The following VAC14 variants were observed in gnomAD, a reference collection of about 807,000 sequenced individuals.
The protein encoded by VAC14 is VAC14 component of PIKFYVE complex.
VAC14 carries 47 observed loss-of-function variants against 85.3 expected under a neutral mutation model. The ratio of observed to expected loss-of-function variants is 0.55; its 90% CI spans 0.44 to 0.70. The LOEUF is 0.70. Ranked by LOEUF, VAC14 falls within the 30% of genes least tolerant of loss-of-function variation. VAC14 has a pLI of 0.00. For missense variants in VAC14, 861 were observed against 1,004.3 expected (o/e 0.86, Z 1.93); for synonymous variants, 447 against 430.5 (o/e 1.04, Z -0.47).
chr16:70,785,958 T>C (rs1466007496), intron 2 of VAC14, 89 bp from the exon 3 acceptor site: 31 of 1,448,650 alleles, frequency 2.1e-5, no homozygotes, highest in Non-Finnish European at 2.8e-5. Context: ...CCCAGCTCCC[T>C]TGAAGGTGCT....
chr16:70,768,809 T>C, intron 10 of VAC14: 1 of 453,974 alleles, frequency 2.2e-6, no homozygotes, highest in Non-Finnish European at 4.4e-6. Context: ...TGCATTTTTT[T>C]GGTGTGTGTG....
chr16:70,759,013 T>G (rs1282017210), intron 12 of VAC14, among the ~76,000 whole-genome samples: 2 of 152,108 alleles, frequency 1.3e-5, no homozygotes, highest in African/African-American at 2.4e-5. Flanking sequence ...TCGGTGGAAC[T>G]GAGGAACAAT....
At chr16:70,689,195 T>G (rs2053554068) in intron 18 of VAC14, 1 of 977,284 alleles carries the variant, frequency 1.0e-6, no homozygotes, top group African/African-American at 1.8e-5. Flanking sequence ...AAGCGAGGGC[T>G]ACCTAAGGAG....
intron 12 of VAC14, among the ~76,000 whole-genome samples, chr16:70,745,957 A>T (rs1053518066): frequency 6.6e-6 from 1 of 152,242 alleles, no homozygotes; most frequent in Non-Finnish European, 1.5e-5. Context: ...CTACTGAGGG[A>T]TTAAAATGTT....
chr16:70,698,622 C>A lies in VAC14; in HGVS notation c.1836+15G>T. 1 of 1,613,754 alleles carries A rather than the reference C, an allele frequency of 6.2e-7. No homozygotes were observed. The highest frequency in any genetic ancestry group is 1.1e-5 in the South Asian group (1 of 91,046). On this transcript the variant is annotated intron_variant, in intron 15 of 18. Transcript: ENST00000261776. ...GCAGGAGACGCCTGAGGATGGAGTC[C>A]CGGACGCAGCCTACCAGGGTCTTCA...
chr16:70,798,738 C>A (rs938410342), intron 1 of VAC14, among the ~76,000 whole-genome samples: 1 of 152,146 alleles, frequency 6.6e-6, no homozygotes, highest in African/African-American at 2.4e-5. Context: ...AGCTGCAGAG[C>A]CTCTAACAAG....
intron 5 of VAC14, 94 bp from the exon 6 acceptor site, chr16:70,783,648 C>T: frequency 8.0e-7 from 1 of 1,246,620 alleles, no homozygotes; most frequent in Non-Finnish European, 1.2e-6. Flanking sequence ...GAAGGGGACC[C>T]TGCTGAGACA....
intron 3 of VAC14, 95 bp from the exon 4 acceptor site, chr16:70,784,933 G>A (rs2033978999): frequency 9.3e-7 from 1 of 1,078,796 alleles, no homozygotes; most frequent in Non-Finnish European, 1.4e-6. Flanking sequence ...CCGAGGCCTT[G>A]GTGCAGCCCA....
At chr16:70,702,073 G>C (rs1400215577) in intron 14 of VAC14, among the ~76,000 whole-genome samples, 3 of 152,278 alleles carry the variant, frequency 2.0e-5, no homozygotes, top group African/African-American at 7.2e-5. Context: ...AAGAAGCAAG[G>C]GTCTCCCGAA....
Position 70,784,177 on chromosome 16 carries a change from A to G in VAC14, c.530T>C (p.Ile177Thr), listed in dbSNP as rs2033944043. ...GTAAATCCTCTCTCGCAACAAGGGG[A>G]TGAAGCTCACCAGGTCAAACTTGTT... is the stretch of plus-strand genomic sequence containing the variant. ...ESNKFDLVSF[I>T]PLLRERIYSN... Residue 177 changes from isoleucine (I) to threonine (T), a missense_variant, in exon 5 of 19, where the codon ATC (isoleucine) becomes ACC (threonine). Physicochemically the swap from Ile to Thr is moderately conservative, Grantham distance 89. Transcript: ENST00000261776. 6.2e-7 allele frequency: 1 copy of G among 1,614,048 alleles called. No individual in the cohort carries two copies. Among genetic ancestry groups the G allele is most frequent in the African/African-American group, 1.3e-5 (1 of 74,912 alleles).
intron 12 of VAC14, among the ~76,000 whole-genome samples, chr16:70,753,975 C>T (rs905422464): frequency 3.9e-5 from 6 of 152,182 alleles, no homozygotes; most frequent in Non-Finnish European, 8.8e-5. Context: ...TCCCTTTCCA[C>T]CATGCTTCTC....
chr16:70,687,830 T>C lies in VAC14; in HGVS notation c.*98A>G. Reference sequence around the variant, plus strand: ...TGCCCTGGGTTGGCAGGCCCAGCCCTGGTCCTGACAGGCAGGTCCTTGAGC... The same window carrying C: ...TGCCCTGGGTTGGCAGGCCCAGCCCCGGTCCTGACAGGCAGGTCCTTGAGC... On this transcript the variant is annotated 3_prime_UTR_variant, in exon 19 of 19. Transcript: ENST00000261776. 3 of 1,282,112 alleles carry C rather than the reference T, an allele frequency of 2.3e-6. No homozygotes were observed. The highest frequency in any genetic ancestry group is 3.0e-6 in the Non-Finnish European group (3 of 997,472). 79.4% of individuals were successfully genotyped at this position (1,282,112 alleles called of 1,614,324 possible). A position where few individuals can be genotyped will look rare whatever the true frequency, so the allele number is the denominator to read the frequency against.
rs111521716 is a variant in VAC14 at position 70,794,954 on chromosome 16, T to C, written c.104+5843A>G. Reference sequence around the variant, plus strand: ...TAAGATGATAATGTTATATTTTTACTATACTATTTCTATGTTCAGATATAT... The same window carrying C: ...TAAGATGATAATGTTATATTTTTACCATACTATTTCTATGTTCAGATATAT... On this transcript the variant is annotated intron_variant, in intron 1 of 18. Transcript: ENST00000261776. 4.9e-4 allele frequency among the ~76,000 whole-genome samples: 75 copies of C among 152,368 alleles called. 1 individual carries two copies. Among genetic ancestry groups the C allele is most frequent in the African/African-American group, 1.5e-3 (63 of 41,584 alleles).
intron 18 of VAC14, chr16:70,689,037 A>C (rs4985416): frequency 0.51 from 506,285 of 985,254 alleles, 131,383 homozygotes; most frequent in Non-Finnish European, 0.53. Context: ...GGGGCCCTTC[A>C]AGTTTATGAA....
At chr16:70,766,952 G>T (rs548091134) in intron 10 of VAC14, among the ~76,000 whole-genome samples, 36 of 152,288 alleles carry the variant, frequency 2.4e-4, no homozygotes, top group African/African-American at 8.2e-4. Context: ...AGCCTGAGAG[G>T]TAGCACCCTG....
chr16:70,694,114 C>T (rs532746870), intron 17 of VAC14, among the ~76,000 whole-genome samples: 2 of 152,350 alleles, frequency 1.3e-5, no homozygotes, highest in South Asian at 4.1e-4. Flanking sequence ...AGGGCTGGGA[C>T]GGTGTTGGGC....
chr16:70,772,435 G>A (rs1250349696), intron 9 of VAC14: 2 of 435,264 alleles, frequency 4.6e-6, no homozygotes, highest in African/African-American at 2.0e-5. Flanking sequence ...ATCTCAGAAG[G>A]GATCACTGGC....
At position 70,780,753 on chromosome 16, in the gene VAC14, C is replaced by T. The variant is rs771216007; in HGVS notation, c.1096+37G>A. ...TATGACATCTGGCTCCCTGGGCCCC[C>T]GACAGGAGGTGAGGTGTAGGGACGG... On this transcript the variant is annotated intron_variant, in intron 9 of 18. Transcript: ENST00000261776. 9.4e-5 allele frequency: 145 copies of T among 1,535,666 alleles called. 1 individual carries two copies. Among genetic ancestry groups the T allele is most frequent in the Admixed American group, 4.8e-4 (24 of 50,422 alleles).
At chr16:70,690,108 G>C (rs2053570480) in intron 18 of VAC14, 1 of 985,544 alleles carries the variant, frequency 1.0e-6, no homozygotes, top group African/African-American at 1.7e-5. Flanking sequence ...GGCAAACCCG[G>C]GAAGATGGCG....
Sources: gnomAD v4.1 joint callset for allele counts (sites outside exome capture counted in the v4.1 genomes callset) on GRCh38, gnomAD v4.1.1 for gene constraint, MANE v1.5 for transcripts, NCBI Gene and HGNC (gene_info 2026-07-23, HGNC 2026-07-21) for gene names.